Variants in ECPAS observed in about 807,000 individuals in gnomAD.
ECPAS encodes the protein Ecm29 proteasome adaptor and scaffold, also known as proteasome adapter and scaffold protein ECM29.
Under a neutral mutation model 255.1 loss-of-function variants are expected in ECPAS, and 70 were observed. The ratio of observed to expected loss-of-function variants is 0.27; its 90% CI spans 0.23 to 0.33. The LOEUF is 0.33. Ranked by LOEUF, ECPAS falls within the 10% of genes least tolerant of loss-of-function variation. ECPAS has a pLI of 1.00. For synonymous variants in ECPAS, 784 were observed against 775.0 expected (o/e 1.01, Z -0.19); for missense variants, 1,817 against 2,206.4 (o/e 0.82, Z 3.54).
Position 111,410,172 on chromosome 9 carries a change from C to G in ECPAS, c.2419G>C (p.Ala807Pro), listed in dbSNP as rs569599092. The stretch of plus-strand genomic sequence containing the variant: ...CCAATTTCACCCAGGGCTGTGCAGG[C>G]AGCAATTGCCAGGAGGGGTGATGTA... Reference protein sequence around the residue: ...DSTSPLLAIAACTALGEIGRN... With the variant: ...DSTSPLLAIAPCTALGEIGRN... Residue 807 changes from alanine (A) to proline (P), a missense_variant, in exon 23 of 50, where the codon GCC becomes CCC. Physicochemically the swap from Ala to Pro is conservative, Grantham distance 27. Coordinates refer to ENST00000684092, the MANE Select transcript of ECPAS (RefSeq NM_001364929.1). 62 of 1,613,190 alleles carry G rather than the reference C, an allele frequency of 3.8e-5. 1 individual carries two copies. In the South Asian group the frequency reaches 6.5e-4, roughly 17 times the overall value.
intron 2 of ECPAS, among the ~76,000 whole-genome samples, chr9:111,454,431 G>A (rs1589220256): frequency 6.6e-6 from 1 of 152,044 alleles, no homozygotes; most frequent in Admixed American, 6.6e-5. Flanking sequence ...TCTCCCTCAC[G>A]AGACAGGCAA....
At chr9:111,435,720 C>T (rs558632506) in intron 7 of ECPAS, among the ~76,000 whole-genome samples, 3 of 149,692 alleles carry the variant, frequency 2.0e-5, no homozygotes, top group Admixed American at 2.0e-4. Flanking sequence ...TGCTCTGTCG[C>T]CCAGGCTGGA....
rs753884692 is a variant in ECPAS, at chr9:111,422,001, T to C, written c.1375A>G (p.Met459Val). ...TRLAIQEALS[M>V]MVGAYSTLEG... ...AAAGTACTATACGCTCCAACCATCA[T>C]AGATAAAGCTTCTTGAATAGCAAGT... The change falls in exon 15 of 50, where the codon ATG becomes GTG. Residue 459 changes from methionine (M) to valine (V), a missense_variant. By Grantham distance (21) the Met-to-Val change is conservative. Around this residue, in one of 4 missense-constraint regions of ECPAS, gnomAD observed 573 missense variants for 716.2 expected, o/e 0.80. Transcript: ENST00000684092. 2.5e-5 allele frequency: 40 copies of C among 1,613,644 alleles called. No homozygotes were observed. Among genetic ancestry groups the C allele is most frequent in the Non-Finnish European group, 3.1e-5 (37 of 1,179,786 alleles).
chr9:111,412,110 C>A lies in ECPAS; in HGVS notation c.2118G>T (p.Leu706=). The change falls in exon 21 of 50, where the codon CTG becomes CTT. Residue 706 remains leucine (L), a synonymous_variant. Transcript: ENST00000684092. ...MNNSKEEMRE[L]AALFYSVVVS... The stretch of plus-strand genomic sequence containing the variant: ...CCACTACAGAATAAAACAACGCTGC[C>A]AGTTCGCGCATTTCTTCTTTACTGT... 6.3e-7 allele frequency: 1 copy of A among 1,591,566 alleles called. No homozygotes were observed. Among genetic ancestry groups the A allele is most frequent in the East Asian group, 2.3e-5 (1 of 44,216 alleles).
chr9:111,469,576 C>T (rs10817182), intron 2 of ECPAS, among the ~76,000 whole-genome samples: 9,749 of 151,860 alleles, frequency 0.064, 462 homozygotes, highest in East Asian at 0.21. Flanking sequence ...TTCGGGAGGC[C>T]GAGGTGGATG....
chr9:111,364,514 A>C (rs997980872), intron 48 of ECPAS, among the ~76,000 whole-genome samples: 1 of 152,244 alleles, frequency 6.6e-6, no homozygotes, highest in Non-Finnish European at 1.5e-5. Context: ...ACAGAATTCC[A>C]ACTATCAAAT....
intron 1 of ECPAS, among the ~76,000 whole-genome samples, chr9:111,483,244 G>C (rs1425886939): frequency 1.3e-5 from 2 of 152,044 alleles, no homozygotes; most frequent in Non-Finnish European, 2.9e-5. Flanking sequence ...GGCCAGGGCG[G>C]ATCGCGGGCA....
intron 38 of ECPAS, among the ~76,000 whole-genome samples, chr9:111,374,469 G>A (rs2098131095): frequency 6.6e-6 from 1 of 152,086 alleles, no homozygotes; most frequent in Non-Finnish European, 1.5e-5. Flanking sequence ...CCATACAGTG[G>A]AGTATCATAC....
rs142071317 is a variant in ECPAS at position 111,380,338 on chromosome 9, TA to T, written c.3804-1609del. On this transcript the variant is annotated intron_variant, in intron 35 of 49. Coordinates refer to ENST00000684092, the MANE Select transcript of ECPAS (RefSeq NM_001364929.1). ...TTTGGTTTGGTTTTTGTTTTGTTGTTATTTTTTTGTTTGTTTGTTTTTTGTT... is the reference window on the plus strand; with the variant it reads ...TTTGGTTTGGTTTTTGTTTTGTTGTTTTTTTTTGTTTGTTTGTTTTTTGTT... Among the ~76,000 whole-genome samples, 852 of 152,296 alleles carry T rather than the reference TA, an allele frequency of 5.6e-3. 3 individuals carry two copies. The highest frequency in any genetic ancestry group is 0.01 in the Non-Finnish European group (710 of 68,014).
At chr9:111,413,647 A>G (rs2098198407) in intron 20 of ECPAS, among the ~76,000 whole-genome samples, 1 of 151,948 alleles carries the variant, frequency 6.6e-6, no homozygotes, top group African/African-American at 2.4e-5. Flanking sequence ...AAAAAAAAAA[A>G]CTTTTGAAAC....
intron 3 of ECPAS, among the ~76,000 whole-genome samples, chr9:111,451,051 C>T (rs1196825159): frequency 1.3e-5 from 2 of 152,012 alleles, no homozygotes; most frequent in Non-Finnish European, 2.9e-5. Flanking sequence ...TTTTATTTTG[C>T]TTACTTTTAG....
intron 24 of ECPAS, among the ~76,000 whole-genome samples, chr9:111,403,882 C>A (rs1421714333): frequency 6.7e-6 from 1 of 149,094 alleles, no homozygotes. Flanking sequence ...TCAAGCAATT[C>A]AAAAAAAATC....
chr9:111,472,626 T>C (rs1456492338), intron 2 of ECPAS, among the ~76,000 whole-genome samples: 1 of 149,640 alleles, frequency 6.7e-6, no homozygotes, highest in African/African-American at 2.5e-5. Context: ...GACAACAGAG[T>C]GAGACACTGT....
chr9:111,413,624 G>A (rs1467883124), intron 20 of ECPAS, among the ~76,000 whole-genome samples: 1 of 149,944 alleles, frequency 6.7e-6, no homozygotes, highest in Non-Finnish European at 1.5e-5. Context: ...CAAATCTATT[G>A]CTTATTTTTT....
At chr9:111,413,003 G>A (rs77034288) in intron 20 of ECPAS, among the ~76,000 whole-genome samples, 1,883 of 152,220 alleles carry the variant, frequency 0.012, 50 homozygotes, top group African/African-American at 0.043. Flanking sequence ...ATTTAACTGA[G>A]TATCTTGTAT....
Position 111,362,183 on chromosome 9 carries a change from AAAAAAC to A in ECPAS, c.5381-20_5381-15del, listed in dbSNP as rs2098114241. The A allele has an allele frequency of 1.3e-6, 2 of 1,548,548 alleles. No homozygotes were observed. The highest frequency in any genetic ancestry group is 1.7e-6 in the Non-Finnish European group (2 of 1,156,864). ...ACTGTTTAGATTCTGCATGAAAAAAAAAAAACAAAAACAAAAAAAACAAAAAACAAA... is the reference window on the plus strand; with the variant it reads ...ACTGTTTAGATTCTGCATGAAAAAAAAAAAACAAAAAAAACAAAAAACAAA... On this transcript the variant is annotated splice_polypyrimidine_tract_variant and intron_variant, in intron 49 of 49. Transcript: ENST00000684092.
rs961772540 is a variant in ECPAS, at chr9:111,376,596, G to A, written c.3955-55C>T. On this transcript the variant is annotated intron_variant, in intron 36 of 49. Transcript: ENST00000684092. ...ACATTCAATTAATTAGGAATAATCC[G>A]CACAAACACCCATAAAAGACTTTCA... 4.7e-5 allele frequency: 61 copies of A among 1,307,036 alleles called. No homozygotes were observed. The Admixed American group carries it at 7.1e-4, about 15-fold the overall frequency. 81.0% of individuals were successfully genotyped at this position (1,307,036 alleles called of 1,614,324 possible).
chr9:111,420,591 T>C (rs772255517), intron 15 of ECPAS, among the ~76,000 whole-genome samples: 10 of 152,226 alleles, frequency 6.6e-5, no homozygotes, highest in Non-Finnish European at 1.0e-4. Flanking sequence ...ATACTTCAAA[T>C]TGAGCTTCTC....
At chr9:111,398,932 G>A (rs1402501464) in intron 24 of ECPAS, among the ~76,000 whole-genome samples, 4 of 150,954 alleles carry the variant, frequency 2.6e-5, no homozygotes, top group Non-Finnish European at 4.4e-5. Context: ...GTGAGACTCC[G>A]TCTCAAAAAA....
Sources: allele counts gnomAD v4.1 joint callset (sites outside exome capture counted in the v4.1 genomes callset), GRCh38; gene constraint gnomAD v4.1.1; regional missense constraint gnomAD v4.1.1; transcripts MANE v1.5; gene names NCBI Gene and HGNC (gene_info 2026-07-23, HGNC 2026-07-21).